Variants in CRYBG1 observed in about 807,000 individuals in gnomAD.
CRYBG1 encodes the protein beta/gamma crystallin domain-containing protein 1.
Under a neutral mutation model 189.2 loss-of-function variants are expected in CRYBG1, and 139 were observed. The observed-to-expected ratio is 0.73, with a 90% CI of 0.64 to 0.85. The LOEUF (loss-of-function observed/expected upper bound fraction) is 0.85. CRYBG1 is among the 40% of genes least tolerant of loss of function. The pLI is 0.00. For missense variants in CRYBG1, 2,611 were observed against 2,675.8 expected (o/e 0.98, Z 0.53); for synonymous variants, 1,023 against 1,017.1 (o/e 1.01, Z -0.11).
rs1204796045 is a variant in CRYBG1 at position 106,525,153 on chromosome 6, A to G, written c.4266A>G (p.Gln1422=). 1.2e-6 allele frequency: 2 copies of G among 1,614,118 alleles called. No individual in the cohort carries two copies. Among genetic ancestry groups the G allele is most frequent in the South Asian group, 1.1e-5 (1 of 91,080 alleles). The part of the protein sequence containing the change: ...SDTMTLRGSV[Q]NKLNPRPGKV... ...TGCAGACACTTAGAGGAAGTGTCCA[A>G]AATAAACTCAATCCCCGACCTGGAA... Residue 1422 remains glutamine, a synonymous_variant, in exon 5 of 22, where the codon CAA becomes CAG. Transcript: ENST00000633556.
chr6:106,550,632 T>C (rs1424063125), intron 13 of CRYBG1, among the ~76,000 whole-genome samples: 2 of 152,226 alleles, frequency 1.3e-5, no homozygotes, highest in East Asian at 1.9e-4. Context: ...TTATGTGATG[T>C]TGGAAACACT....
chr6:106,527,414 G>T lies in CRYBG1; in HGVS notation c.4522G>T (p.Glu1508Ter). Residue 1508 changes from glutamate to a stop codon, truncating the protein, a stop_gained, in exon 7 of 22, where the codon GAA (glutamate) becomes TAA (stop). Transcript: ENST00000633556. LOFTEE classifies it high-confidence loss of function. Reference protein sequence around the residue: ...WGIEDILERHEEAESDKPVVI... With the variant: ...WGIEDILERH The stretch of plus-strand genomic sequence containing the variant: ...TATAGAAGACATTTTGGAAAGGCAC[G>T]AAGAAGCAGAGTCTGATAAGCCAGT... 6.2e-7 allele frequency: 1 copy of T among 1,613,716 alleles called. No individual in the cohort carries two copies. Among genetic ancestry groups the T allele is most frequent in the Non-Finnish European group, 8.5e-7 (1 of 1,179,766 alleles).
At chr6:106,439,582 T>C (rs1771531423) in intron 1 of CRYBG1, among the ~76,000 whole-genome samples, 1 of 152,202 alleles carries the variant, frequency 6.6e-6, no homozygotes. Context: ...TCATTCTACC[T>C]GATGAGATAA....
At position 106,463,250 on chromosome 6, in the gene CRYBG1, A is replaced by C. The variant is rs186960178; in HGVS notation, c.312+11418A>C. 4.9e-3 allele frequency among the ~76,000 whole-genome samples: 751 copies of C among 152,194 alleles called. 9 individuals are homozygous for C. Among genetic ancestry groups the C allele is most frequent in the African/African-American group, 0.016 (685 of 41,516 alleles). On this transcript the variant is annotated intron_variant, in intron 2 of 21. Transcript: ENST00000633556. ...CCTGAGGCAGGAAAGAAAAAAAAAA[A>C]AACAACAACTTCTGTCCTACTTTGT...
At chr6:106,497,235 G>C (rs1202725863) in intron 2 of CRYBG1, among the ~76,000 whole-genome samples, 2 of 152,068 alleles carry the variant, frequency 1.3e-5, no homozygotes, top group African/African-American at 4.8e-5. Context: ...GGGGAAATCA[G>C]GCCGGTCTTC....
intron 2 of CRYBG1, among the ~76,000 whole-genome samples, chr6:106,494,409 T>TA (rs1396428404): frequency 6.6e-6 from 1 of 152,120 alleles, no homozygotes; most frequent in Non-Finnish European, 1.5e-5. Context: ...CAGTTAAATT[T>TA]AAAAAAATGA....
chr6:106,544,831 T>C lies in CRYBG1; in HGVS notation c.5210T>C (p.Phe1737Ser), dbSNP rs1774227311. 2 of 1,611,078 alleles carry C rather than the reference T, an allele frequency of 1.2e-6. No homozygotes were observed. The highest frequency in any genetic ancestry group is 1.7e-5 in the Admixed American group (1 of 59,216). Residue 1737 changes from phenylalanine (F) to serine (S), a missense_variant, in exon 13 of 22, where the codon TTT (phenylalanine) becomes TCT (serine). Phe to Ser is a radical substitution (Grantham distance 155, BLOSUM62 -2). This residue lies in a region of CRYBG1 where 1,622 missense variants were observed against 1,735.0 expected (regional missense o/e 0.93). Transcript: ENST00000633556. ...ATGATAATGTACAGTGAAAAAAACT[T>C]TGGATCCAAAGGTTCCAGTATTGAT... ...AHMIMYSEKN[F>S]GSKGSSIDVL... is the part of the protein sequence containing the mutation.
At position 106,512,459 on chromosome 6, in the gene CRYBG1, TTCGACGACGAGGTGGCGCCAA is replaced by T. The variant is rs755491880; in HGVS notation, c.1343_1363del (p.Phe448_Asn455delinsTyr). On this transcript the variant is annotated inframe_deletion, in exon 3 of 22. Coordinates refer to ENST00000633556, the MANE Select transcript of CRYBG1 (RefSeq NM_001371242.2). ...GAGCGCTGCCAGGGACGACGCGGTG[TTCGACGACGAGGTGGCGCCAA>T]ACGCGGCCAGCGATAACGCCTCGGC... The T allele has an allele frequency of 1.9e-6, 3 of 1,610,904 alleles. No individual in the cohort carries two copies. Among genetic ancestry groups the T allele is most frequent in the Non-Finnish European group, 1.7e-6 (2 of 1,179,108 alleles).
At chr6:106,521,476 T>A in intron 4 of CRYBG1, 23 bp downstream of exon 4, 1 of 1,533,272 alleles carries the variant, frequency 6.5e-7, no homozygotes, top group Non-Finnish European at 8.7e-7. Flanking sequence ...GTGTTATTAT[T>A]TATTTGGGGT....
intron 1 of CRYBG1, among the ~76,000 whole-genome samples, chr6:106,416,997 T>TA (rs1771033385): frequency 7.7e-6 from 1 of 129,382 alleles, no homozygotes. Context: ...TGATGGGATT[T>TA]ACTTTTTTTT....
intron 8 of CRYBG1, among the ~76,000 whole-genome samples, chr6:106,538,219 C>G (rs1325950382): frequency 6.6e-6 from 1 of 152,184 alleles, no homozygotes; most frequent in Non-Finnish European, 1.5e-5. Context: ...TCAGCATCCT[C>G]ACCTTCTCAG....
rs1772182337 is a variant in CRYBG1 at position 106,469,368 on chromosome 6, T to G, written c.312+17536T>G. 3.3e-5 allele frequency among the ~76,000 whole-genome samples: 5 copies of G among 152,236 alleles called. No individual in the cohort carries two copies. In the South Asian group the frequency reaches 1.0e-3, roughly 32 times the overall value. ...TTCCTGCTTGCTTGTTGTCTTTCTCTTCTACAATATAAATTCCACAAAGCA... is the reference window on the plus strand; with the variant it reads ...TTCCTGCTTGCTTGTTGTCTTTCTCGTCTACAATATAAATTCCACAAAGCA... On this transcript the variant is annotated intron_variant, in intron 2 of 21. Coordinates refer to ENST00000633556, the MANE Select transcript of CRYBG1 (RefSeq NM_001371242.2).
Position 106,539,496 on chromosome 6 carries a change from A to C in CRYBG1, c.4812A>C (p.Glu1604Asp). 1.2e-6 allele frequency: 2 copies of C among 1,613,826 alleles called. No individual in the cohort carries two copies. The highest frequency in any genetic ancestry group is 1.7e-6 in the Non-Finnish European group (2 of 1,179,842). Residue 1604 changes from glutamate to aspartate, a missense_variant, in exon 9 of 22, where the codon GAA becomes GAC. By Grantham distance (45) the Glu-to-Asp change is conservative. Coordinates refer to ENST00000633556, the MANE Select transcript of CRYBG1 (RefSeq NM_001371242.2). The part of the protein sequence containing the change: ...YPDLSFWDTE[E>D]AYIGSMRPLK... ...ACTTGTCCTTCTGGGATACAGAAGA[A>C]GCGTACATTGGATCCATGCGGCCTC...
chr6:106,564,902 C>T (rs1028826762), intron 21 of CRYBG1, among the ~76,000 whole-genome samples: 4 of 152,138 alleles, frequency 2.6e-5, no homozygotes, highest in Non-Finnish European at 4.4e-5. Flanking sequence ...ATACTACATA[C>T]TCCATTAATT....
chr6:106,365,431 A>T (rs1366871424), intron 1 of CRYBG1, among the ~76,000 whole-genome samples: 29 of 142,452 alleles, frequency 2.0e-4, no homozygotes, highest in Non-Finnish European at 3.2e-4. Context: ...TGTCTCAAAA[A>T]AAGCAAAACG....
At chr6:106,454,259 C>G (rs1044908020) in intron 2 of CRYBG1, among the ~76,000 whole-genome samples, 8 of 152,172 alleles carry the variant, frequency 5.3e-5, no homozygotes, top group Non-Finnish European at 8.8e-5. Context: ...AGTACAACAG[C>G]CTTTCTCTTC....
At chr6:106,494,719 A>G (rs1772804475) in intron 2 of CRYBG1, among the ~76,000 whole-genome samples, 1 of 152,212 alleles carries the variant, frequency 6.6e-6, no homozygotes, top group African/African-American at 2.4e-5. Flanking sequence ...TTAGGTGTCC[A>G]TTATTTAAGT....
In CRYBG1 at chr6:106,563,880, C is replaced by T; in HGVS notation, c.6255C>T (p.Gly2085=). ...DSQFWSLKSD[G]RIYSKLKPNL... is the part of the protein sequence containing the mutation. ...AGTTCTGGAGCTTGAAGTCCGATGGCAGGATTTACAGCAAGTTGAAGCCAA... is the reference window on the plus strand; with the variant it reads ...AGTTCTGGAGCTTGAAGTCCGATGGTAGGATTTACAGCAAGTTGAAGCCAA... The change falls in exon 21 of 22, where the codon GGC becomes GGT. Residue 2085 remains glycine, a synonymous_variant. Transcript: ENST00000633556. The T allele has an allele frequency of 6.2e-7, 1 of 1,613,402 alleles. No homozygotes were observed. The highest frequency in any genetic ancestry group is 8.5e-7 in the Non-Finnish European group (1 of 1,179,400).
chr6:106,558,390 T>G, intron 17 of CRYBG1, 96 bp from the exon 18 acceptor site: 1 of 1,108,036 alleles, frequency 9.0e-7, no homozygotes, highest in Non-Finnish European at 1.3e-6. Context: ...ATCTAGCAGA[T>G]TTTTTGTGCT....
Sources: allele counts gnomAD v4.1 joint callset (sites outside exome capture counted in the v4.1 genomes callset), GRCh38; gene constraint gnomAD v4.1.1; regional missense constraint gnomAD v4.1.1; transcripts MANE v1.5; gene names NCBI Gene and HGNC (gene_info 2026-07-23, HGNC 2026-07-21).